The following SEMA5A variants were observed in gnomAD, a reference collection of about 807,000 sequenced individuals.
SEMA5A encodes semaphorin-5A.
A neutral mutation model predicts 135.5 loss-of-function variants in SEMA5A; 55 were observed. That is an observed-to-expected ratio of 0.41 (90% CI 0.33 to 0.51). SEMA5A has a LOEUF of 0.51. Among genes scored for constraint, SEMA5A ranks in the 20% least tolerant of loss-of-function variants. SEMA5A has a pLI of 0.37. For synonymous variants in SEMA5A, 580 were observed against 546.5 expected (o/e 1.06, Z -0.85); for missense variants, 1,290 against 1,419.9 (o/e 0.91, Z 1.47).
At position 9,353,157 on chromosome 5, in the gene SEMA5A, G is replaced by A. The variant is rs190711550; in HGVS notation, c.125-15345C>T. ...GAAAGGAAAGGAAAGGAAAGGAAAG[G>A]AAAGGAGGGAAAGGAAGGGAAAGGA... is the stretch of plus-strand genomic sequence containing the variant. On this transcript the variant is annotated intron_variant, in intron 3 of 22. Transcript: ENST00000382496. Among the ~76,000 whole-genome samples the A allele has an allele frequency of 5.9e-3, 464 of 78,294 alleles. 2 individuals are homozygous for A. Among genetic ancestry groups the A allele is most frequent in the Middle Eastern group, 0.011 (1 of 88 alleles). The allele number at this position is 78,294 out of a possible 152,430, so 51.4% of individuals were successfully genotyped here. A position where few individuals can be genotyped will look rare whatever the true frequency, so the allele number is the denominator to read the frequency against.
chr5:9,278,100 A>G (rs1160251819), intron 5 of SEMA5A, among the ~76,000 whole-genome samples: 1 of 143,662 alleles, frequency 7.0e-6, no homozygotes, highest in Admixed American at 7.2e-5. Context: ...ATGTTATTAA[A>G]GTCATGTAAA....
chr5:9,452,341 C>T lies in SEMA5A; in HGVS notation c.-174-14489G>A, dbSNP rs141981889. On this transcript the variant is annotated intron_variant, in intron 1 of 22. Coordinates refer to ENST00000382496, the MANE Select transcript of SEMA5A (RefSeq NM_003966.3). ...GGCTGTGAAGCAGTGGTTTGCTTCC[C>T]GGAGCTGAAGCTGCACTGGAATTCC... Among the ~76,000 whole-genome samples, 658 of 152,270 alleles carry T rather than the reference C, an allele frequency of 4.3e-3. 5 individuals are homozygous for T. Among genetic ancestry groups the T allele is most frequent in the African/African-American group, 0.014 (592 of 41,566 alleles).
intron 1 of SEMA5A, among the ~76,000 whole-genome samples, chr5:9,458,437 G>T (rs1490903324): frequency 1.3e-5 from 2 of 152,164 alleles, no homozygotes; most frequent in African/African-American, 4.8e-5. Flanking sequence ...ATGAACATTT[G>T]CCAATGACAC....
At position 9,388,623 on chromosome 5, in the gene SEMA5A, C is replaced by G. The variant is rs189234350; in HGVS notation, c.-77-8600G>C. 8.0e-3 allele frequency among the ~76,000 whole-genome samples: 1,223 copies of G among 152,144 alleles called. 4 individuals carry two copies. The highest frequency in any genetic ancestry group is 0.011 in the Non-Finnish European group (753 of 67,974). ...ACTAAAATATTCCAGTTATAGGCCG[C>G]GCGTGGTGGCTCACGCCTGTAATCC... On this transcript the variant is annotated intron_variant, in intron 2 of 22. Transcript: ENST00000382496.
At position 9,353,713 on chromosome 5, in the gene SEMA5A, C is replaced by T. The variant is rs145800027; in HGVS notation, c.125-15901G>A. 1.2e-3 allele frequency among the ~76,000 whole-genome samples: 184 copies of T among 152,234 alleles called. 1 individual carries two copies. Among genetic ancestry groups the T allele is most frequent in the African/African-American group, 4.4e-3 (182 of 41,532 alleles). ...GATAAGGACATGCAGGAAATCATTA[C>T]CCTCTTCACAAGTTGAGTATTTTCT... On this transcript the variant is annotated intron_variant, in intron 3 of 22. Coordinates refer to ENST00000382496, the MANE Select transcript of SEMA5A (RefSeq NM_003966.3).
intron 1 of SEMA5A, among the ~76,000 whole-genome samples, chr5:9,508,003 CAAAA>C (rs767047665): frequency 3.8e-5 from 1 of 26,326 alleles, no homozygotes; most frequent in Non-Finnish European, 9.2e-5. Context: ...GACTCTGTCT[CAAAA>C]AAAAAAAAAA....
intron 5 of SEMA5A, among the ~76,000 whole-genome samples, chr5:9,313,769 C>G (rs1272103566): frequency 6.6e-6 from 1 of 152,096 alleles, no homozygotes; most frequent in Admixed American, 6.6e-5. Flanking sequence ...GATGGGCAGT[C>G]TTTTTCTTCA....
chr5:9,328,063 C>G (rs1231969603), intron 4 of SEMA5A, among the ~76,000 whole-genome samples: 1 of 152,166 alleles, frequency 6.6e-6, no homozygotes, highest in Non-Finnish European at 1.5e-5. Flanking sequence ...CATGTATCTT[C>G]TAATAATCAA....
intron 2 of SEMA5A, among the ~76,000 whole-genome samples, chr5:9,390,332 AG>A (rs1022077865): frequency 6.6e-6 from 1 of 152,218 alleles, no homozygotes; most frequent in Admixed American, 6.5e-5. Flanking sequence ...ATGAACCCTG[AG>A]GGGGTCAGAT....
intron 20 of SEMA5A, 34 bp downstream of exon 20, chr5:9,051,839 T>C: frequency 1.2e-6 from 2 of 1,613,628 alleles, no homozygotes; most frequent in Non-Finnish European, 1.7e-6. Context: ...TTGGAAATGA[T>C]TTTATTCTTA....
chr5:9,187,538 A>G (rs1744874812), intron 11 of SEMA5A, among the ~76,000 whole-genome samples: 1 of 152,158 alleles, frequency 6.6e-6, no homozygotes, highest in Non-Finnish European at 1.5e-5. Context: ...TTCACCCACT[A>G]CAAAGTTCTC....
At chr5:9,523,149 T>A (rs1736929016) in intron 1 of SEMA5A, 2 of 152,170 alleles carry the variant, frequency 1.3e-5, no homozygotes, top group Non-Finnish European at 2.9e-5. Context: ...AATCAACAAA[T>A]GAAACGTACA....
At chr5:9,342,801 T>C (rs1258352500) in intron 3 of SEMA5A, among the ~76,000 whole-genome samples, 4 of 152,236 alleles carry the variant, frequency 2.6e-5, no homozygotes, top group Non-Finnish European at 5.9e-5. Flanking sequence ...TGCCTTATCA[T>C]AGGTGAAGAA....
chr5:9,529,665 C>G (rs567002221), intron 1 of SEMA5A, among the ~76,000 whole-genome samples: 120 of 152,282 alleles, frequency 7.9e-4, no homozygotes, highest in African/African-American at 2.6e-3. Flanking sequence ...AAACTAGTAA[C>G]ATGCTTTCAA....
chr5:9,329,873 T>A (rs1753043045), intron 4 of SEMA5A, among the ~76,000 whole-genome samples: 1 of 152,216 alleles, frequency 6.6e-6, no homozygotes, highest in Admixed American at 6.5e-5. Context: ...CCTATGCACA[T>A]CTTCCCATAT....
chr5:9,335,060 C>A (rs1753322170), intron 4 of SEMA5A, among the ~76,000 whole-genome samples: 1 of 151,984 alleles, frequency 6.6e-6, no homozygotes, highest in Admixed American at 6.6e-5. Flanking sequence ...AGCCACAAGA[C>A]ACATTGGGAT....
At chr5:9,190,729 A>T (rs922547208) in intron 10 of SEMA5A, among the ~76,000 whole-genome samples, 7 of 152,198 alleles carry the variant, frequency 4.6e-5, no homozygotes, top group African/African-American at 1.7e-4. Flanking sequence ...AAAAAATTAA[A>T]GTGGGAGTGA....
chr5:9,223,100 T>G (rs1026956172), intron 8 of SEMA5A, among the ~76,000 whole-genome samples: 5 of 152,198 alleles, frequency 3.3e-5, no homozygotes, highest in African/African-American at 1.2e-4. Flanking sequence ...AAGGGGACCA[T>G]CCACATAGAA....
intron 12 of SEMA5A, among the ~76,000 whole-genome samples, chr5:9,145,550 C>A (rs1156334558): frequency 1.3e-5 from 2 of 151,944 alleles, no homozygotes; most frequent in Admixed American, 6.6e-5. Context: ...GAAGTGGTGG[C>A]AGCTCAAGCT....
Sources: allele counts gnomAD v4.1 joint callset (sites outside exome capture counted in the v4.1 genomes callset), GRCh38; gene constraint gnomAD v4.1.1; transcripts MANE v1.5; gene names NCBI Gene and HGNC (gene_info 2026-07-23, HGNC 2026-07-21).